SBF2: variants seen among roughly 807,000 people sequenced by gnomAD.
The protein encoded by SBF2 is SET binding factor 2.
A neutral mutation model predicts 225.2 loss-of-function variants in SBF2; 112 were observed. The ratio of observed to expected loss-of-function variants is 0.50; its 90% CI spans 0.43 to 0.58. The LOEUF is 0.58. Among genes scored for constraint, SBF2 ranks in the 20% least tolerant of loss-of-function variants. SBF2 has a pLI of 0.00. For synonymous variants in SBF2, 763 were observed against 773.3 expected (o/e 0.99, Z 0.22); for missense variants, 1,996 against 2,206.2 (o/e 0.90, Z 1.91).
At chr11:10,127,637 CT>C (rs1953820835) in intron 2 of SBF2, among the ~76,000 whole-genome samples, 1 of 152,096 alleles carries the variant, frequency 6.6e-6, no homozygotes, top group Non-Finnish European at 1.5e-5. Context: ...TTTGACTACA[CT>C]TTTTAGAATT....
In SBF2 at chr11:10,077,529, AATGGGGAAAGGATTCCCT is replaced by A. The variant is rs1422174931; in HGVS notation, c.142-34566_142-34549del. ...TTTGACAAGCCTGACAAAAACAAGCAATGGGGAAAGGATTCCCTATTTAATAAACGGTGTTGGGAAAAC... is the reference window on the plus strand; with the variant it reads ...TTTGACAAGCCTGACAAAAACAAGCAATTTAATAAACGGTGTTGGGAAAAC... On this transcript the variant is annotated intron_variant, in intron 2 of 39. Coordinates refer to ENST00000256190, the MANE Select transcript of SBF2 (RefSeq NM_030962.4). 7.2e-5 allele frequency among the ~76,000 whole-genome samples: 11 copies of A among 152,362 alleles called. No homozygotes were observed. The East Asian group carries it at 1.5e-3, about 21-fold the overall frequency.
intron 2 of SBF2, among the ~76,000 whole-genome samples, chr11:10,101,659 CTGTGTGTGTGTG>C (rs144213559): frequency 3.4e-5 from 5 of 148,048 alleles, no homozygotes; most frequent in African/African-American, 7.5e-5. Context: ...CTCTCTCGCT[CTGTGTGTGTGTG>C]TGTGTGTGTG....
At chr11:9,857,455 T>C (rs981092031) in intron 18 of SBF2, among the ~76,000 whole-genome samples, 1 of 152,258 alleles carries the variant, frequency 6.6e-6, no homozygotes, top group African/African-American at 2.4e-5. Flanking sequence ...AGTAAATTTC[T>C]GGAGTAGAAT....
intron 2 of SBF2, among the ~76,000 whole-genome samples, chr11:10,063,273 A>G (rs1034281496): frequency 1.4e-4 from 21 of 151,742 alleles, no homozygotes; most frequent in Admixed American, 3.3e-4. Flanking sequence ...CCCCCGACAC[A>G]TGTTTATCTA....
At chr11:9,978,564 C>T (rs1946802269) in intron 13 of SBF2, among the ~76,000 whole-genome samples, 2 of 152,156 alleles carry the variant, frequency 1.3e-5, no homozygotes, top group South Asian at 2.1e-4. Context: ...AATAATAATA[C>T]TTCACGATGA....
chr11:9,982,191 T>C (rs1305228524), intron 13 of SBF2, among the ~76,000 whole-genome samples: 3 of 152,234 alleles, frequency 2.0e-5, no homozygotes, highest in Non-Finnish European at 4.4e-5. Context: ...TCGCTCCCTC[T>C]GTTCAAAACA....
chr11:9,846,936 A>T lies in SBF2; in HGVS notation c.2934+20T>A, dbSNP rs1227708464. 6.2e-6 allele frequency: 10 copies of T among 1,613,466 alleles called. No homozygotes were observed. The highest frequency in any genetic ancestry group is 8.5e-6 in the Non-Finnish European group (10 of 1,179,446). On this transcript the variant is annotated intron_variant, in intron 23 of 39. Transcript: ENST00000256190. ...TTGAAAATTTTTGAATAGTAAAACAATGGCTTCCTTTTTTAATACCTGAAA... is the reference window on the plus strand; with the variant it reads ...TTGAAAATTTTTGAATAGTAAAACATTGGCTTCCTTTTTTAATACCTGAAA...
intron 17 of SBF2, among the ~76,000 whole-genome samples, chr11:9,874,197 CTCTCAT>C (rs1859027134): frequency 6.6e-6 from 1 of 152,000 alleles, no homozygotes; most frequent in Admixed American, 6.5e-5. Flanking sequence ...AATTAGGAAG[CTCTCAT>C]TCTAAGTCAT....
intron 1 of SBF2, among the ~76,000 whole-genome samples, chr11:10,279,271 G>C (rs1223541820): frequency 2.0e-5 from 3 of 151,802 alleles, no homozygotes; most frequent in Non-Finnish European, 4.4e-5. Context: ...AACTTAGCCG[G>C]GCATGGTGGC....
chr11:10,144,719 A>G (rs1195124132), intron 2 of SBF2, among the ~76,000 whole-genome samples: 1 of 152,194 alleles, frequency 6.6e-6, no homozygotes. Flanking sequence ...CATTTTCTAC[A>G]TGTTCTTCTA....
intron 2 of SBF2, among the ~76,000 whole-genome samples, chr11:10,171,611 G>C (rs1297057321): frequency 2.0e-5 from 3 of 152,092 alleles, no homozygotes; most frequent in Non-Finnish European, 4.4e-5. Context: ...TTTTTGCTGT[G>C]TCTTTGCCTG....
intron 26 of SBF2, chr11:9,839,088 G>A (rs1434104121): frequency 7.7e-6 from 2 of 260,242 alleles, no homozygotes; most frequent in African/African-American, 2.3e-5. Context: ...TGCAACAAGA[G>A]ACTCTATGGC....
At chr11:10,009,226 C>G (rs1445594746) in intron 6 of SBF2, among the ~76,000 whole-genome samples, 1 of 152,118 alleles carries the variant, frequency 6.6e-6, no homozygotes, top group Non-Finnish European at 1.5e-5. Context: ...AAATATGTTA[C>G]AACGGCAAAA....
At chr11:9,910,923 G>T (rs1193953511) in intron 16 of SBF2, among the ~76,000 whole-genome samples, 1 of 149,362 alleles carries the variant, frequency 6.7e-6, no homozygotes, top group African/African-American at 2.5e-5. Flanking sequence ...GCTGGGCATG[G>T]TGGTGCACGC....
At chr11:9,821,671 T>A (rs1345904742) in intron 28 of SBF2, among the ~76,000 whole-genome samples, 1 of 152,198 alleles carries the variant, frequency 6.6e-6, no homozygotes, top group Admixed American at 6.5e-5. Context: ...ATCACTCTAA[T>A]AGGTCAAATC....
intron 16 of SBF2, among the ~76,000 whole-genome samples, chr11:9,896,690 G>A (rs1264157436): frequency 6.6e-6 from 1 of 151,268 alleles, no homozygotes; most frequent in Non-Finnish European, 1.5e-5. Flanking sequence ...TTGGGAGGCT[G>A]AAGCAGGAGA....
Position 10,001,348 on chromosome 11 carries a change from C to T in SBF2, c.753-326G>A, listed in dbSNP as rs145562750. Among the ~76,000 whole-genome samples, 211 of 152,106 alleles carry T rather than the reference C, an allele frequency of 1.4e-3. 1 individual carries two copies. Among genetic ancestry groups the T allele is most frequent in the Admixed American group, 0.013 (200 of 15,292 alleles). On this transcript the variant is annotated intron_variant, in intron 7 of 39. Transcript: ENST00000256190. Reference sequence around the variant, plus strand: ...AGAAACCCGACATTAGACAGTAACACTGACTCTCTGATAGGGCCTCCCCTC... The same window carrying T: ...AGAAACCCGACATTAGACAGTAACATTGACTCTCTGATAGGGCCTCCCCTC...
intron 2 of SBF2, among the ~76,000 whole-genome samples, chr11:10,140,478 G>C (rs1013876166): frequency 6.6e-6 from 1 of 152,224 alleles, no homozygotes; most frequent in Non-Finnish European, 1.5e-5. Flanking sequence ...TGGAGGTTCT[G>C]AGAGGTGGTG....
intron 27 of SBF2, 71 bp from the exon 28 acceptor site, chr11:9,829,567 TCTATCTAC>T: frequency 3.1e-6 from 4 of 1,275,832 alleles, no homozygotes; most frequent in Non-Finnish European, 3.4e-6. Flanking sequence ...TATCTATCTA[TCTATCTAC>T]CTATCTATCT....
Sources: gnomAD v4.1 joint callset for allele counts (sites outside exome capture counted in the v4.1 genomes callset) on GRCh38, gnomAD v4.1.1 for gene constraint, MANE v1.5 for transcripts, NCBI Gene and HGNC (gene_info 2026-07-23, HGNC 2026-07-21) for gene names.